The following THRB variants were observed in gnomAD, a reference collection of about 807,000 sequenced individuals.
THRB encodes nuclear receptor subfamily 1 group A member 2.
Under a neutral mutation model 47.8 loss-of-function variants are expected in THRB, and 12 were observed. The ratio of observed to expected loss-of-function variants is 0.25; its 90% CI spans 0.16 to 0.41. The LOEUF (loss-of-function observed/expected upper bound fraction) is 0.41. Ranked by LOEUF, THRB falls within the 10% of genes least tolerant of loss-of-function variation. The probability of loss-of-function intolerance (pLI) is 1.00; values close to 1 mark genes in which losing one functional copy is unlikely to be tolerated. For synonymous variants in THRB, 218 were observed against 212.2 expected, an observed-to-expected ratio of 1.03 and a Z score of -0.24; for missense variants, 348 against 589.2, an observed-to-expected ratio of 0.59 and a Z score of 4.24.
At chr3:24,271,145 C>G (rs1167512315) in intron 3 of THRB, among the ~76,000 whole-genome samples, 1 of 152,040 alleles carries the variant, frequency 6.6e-6, no homozygotes, top group Non-Finnish European at 1.5e-5. Flanking sequence ...TTCTATATAC[C>G]AAGAGGATAT....
chr3:24,440,378 C>T (rs1367418800), intron 1 of THRB, among the ~76,000 whole-genome samples: 1 of 152,008 alleles, frequency 6.6e-6, no homozygotes, highest in Non-Finnish European at 1.5e-5. Context: ...TCCTCATAGC[C>T]CACCATTAGA....
At chr3:24,255,850 A>T (rs776711244) in intron 3 of THRB, among the ~76,000 whole-genome samples, 25 of 152,176 alleles carry the variant, frequency 1.6e-4, no homozygotes, top group Non-Finnish European at 3.2e-4. Context: ...GTCTTAAGTG[A>T]AGGAAGTAGC....
At chr3:24,243,725 G>T (rs1272321993) in intron 3 of THRB, among the ~76,000 whole-genome samples, 1 of 152,068 alleles carries the variant, frequency 6.6e-6, no homozygotes, top group Non-Finnish European at 1.5e-5. Context: ...TGCTGCTGTT[G>T]TTGACTGTTT....
intron 1 of THRB, among the ~76,000 whole-genome samples, chr3:24,353,161 T>C (rs550566552): frequency 6.6e-6 from 1 of 151,418 alleles, no homozygotes; most frequent in African/African-American, 2.4e-5. Flanking sequence ...AAAACCAACT[T>C]ACAAAAAAAA....
At chr3:24,472,008 G>C (rs948150691) in intron 1 of THRB, among the ~76,000 whole-genome samples, 2 of 152,278 alleles carry the variant, frequency 1.3e-5, no homozygotes, top group Non-Finnish European at 2.9e-5. Context: ...GCATACCTCT[G>C]CTAAGAAGAG....
chr3:24,358,717 C>T (rs1184073656), intron 1 of THRB, among the ~76,000 whole-genome samples: 1 of 152,130 alleles, frequency 6.6e-6, no homozygotes, highest in Non-Finnish European at 1.5e-5. Context: ...GGGCTCTCCT[C>T]TTTGTCTCCT....
rs578046064 is a variant in THRB, at chr3:24,299,051, T to A, written c.-188-1680A>T. ...TCACGAGGTCAGGAGATCGAGACCA[T>A]CCTGGCTAACACAGTGAAACCCCGT... On this transcript the variant is annotated intron_variant, in intron 2 of 10. Coordinates refer to ENST00000646209, the MANE Select transcript of THRB (RefSeq NM_001354712.2). 2.0e-5 allele frequency among the ~76,000 whole-genome samples: 3 copies of A among 151,876 alleles called. No individual in the cohort carries two copies. In the East Asian group the frequency reaches 5.8e-4, roughly 29 times the overall value.
chr3:24,122,760 T>A lies in THRB; in HGVS notation c.*124A>T. ...TTTCATCCATGTCTATGCCAAGGAC[T>A]ACTTCCCTTTTCCCTCCCAAATAAT... On this transcript the variant is annotated 3_prime_UTR_variant, in exon 11 of 11. Coordinates refer to ENST00000646209, the MANE Select transcript of THRB (RefSeq NM_001354712.2). The A allele has an allele frequency of 7.2e-7, 1 of 1,384,438 alleles. No homozygotes were observed. Among genetic ancestry groups the A allele is most frequent in the African/African-American group, 1.4e-5 (1 of 70,320 alleles). The allele number at this position is 1,384,438 out of a possible 1,614,324, so 85.8% of individuals were successfully genotyped here. A position where few individuals can be genotyped will look rare whatever the true frequency, so the allele number is the denominator to read the frequency against.
chr3:24,310,822 A>G, intron 2 of THRB, among the ~76,000 whole-genome samples: 1 of 152,278 alleles, frequency 6.6e-6, no homozygotes, highest in African/African-American at 2.4e-5. Context: ...CCCACCACAA[A>G]TAATTATCTG....
intron 1 of THRB, among the ~76,000 whole-genome samples, chr3:24,487,312 A>G (rs1697450742): frequency 6.6e-6 from 1 of 151,906 alleles, no homozygotes; most frequent in Admixed American, 6.6e-5. Context: ...TATTGTGCTG[A>G]ACTTTTGCCA....
intron 1 of THRB, among the ~76,000 whole-genome samples, chr3:24,347,552 T>C (rs1289913349): frequency 6.6e-6 from 1 of 150,752 alleles, no homozygotes; most frequent in Non-Finnish European, 1.5e-5. Flanking sequence ...TACATAAAAA[T>C]AATAAATAAT....
intron 1 of THRB, among the ~76,000 whole-genome samples, chr3:24,459,611 C>T (rs1355788182): frequency 6.6e-6 from 1 of 152,202 alleles, no homozygotes; most frequent in African/African-American, 2.4e-5. Context: ...TTCTCCACAT[C>T]CTCTCTAGCA....
intron 3 of THRB, among the ~76,000 whole-genome samples, chr3:24,268,800 A>G (rs930824435): frequency 1.3e-5 from 2 of 152,110 alleles, no homozygotes; most frequent in African/African-American, 4.8e-5. Flanking sequence ...CTTACATTTT[A>G]TGTTATATTT....
chr3:24,161,142 C>A (rs1262966313), intron 5 of THRB, among the ~76,000 whole-genome samples: 2 of 152,194 alleles, frequency 1.3e-5, no homozygotes, highest in African/African-American at 2.4e-5. Context: ...TTTCATTTAA[C>A]CTTTTGTACA....
intron 3 of THRB, among the ~76,000 whole-genome samples, chr3:24,284,216 C>T (rs1370991120): frequency 3.3e-5 from 5 of 151,302 alleles, no homozygotes; most frequent in African/African-American, 1.2e-4. Context: ...CAGCATGGTA[C>T]TGGTACCAAA....
chr3:24,157,812 T>C (rs1190076847), intron 5 of THRB, among the ~76,000 whole-genome samples: 2 of 152,220 alleles, frequency 1.3e-5, no homozygotes, highest in Non-Finnish European at 2.9e-5. Flanking sequence ...ACTACAGGCA[T>C]GAGCCACAGT....
intron 1 of THRB, among the ~76,000 whole-genome samples, chr3:24,366,295 G>C (rs1345597056): frequency 6.6e-6 from 1 of 152,056 alleles, no homozygotes. Context: ...TGCCTTCTGG[G>C]AACATGGAGA....
chr3:24,463,651 TA>T (rs1230865338), intron 1 of THRB, among the ~76,000 whole-genome samples: 1 of 152,176 alleles, frequency 6.6e-6, no homozygotes, highest in African/African-American at 2.4e-5. Flanking sequence ...AAGTTTAAAA[TA>T]AAATATGCTG....
intron 1 of THRB, among the ~76,000 whole-genome samples, chr3:24,371,988 C>A (rs11919155): frequency 0.14 from 20,927 of 151,992 alleles, 1,799 homozygotes; most frequent in African/African-American, 0.23. Flanking sequence ...TTCTCTATGC[C>A]CCCAATAACA....
Sources: allele counts gnomAD v4.1 joint callset (sites outside exome capture counted in the v4.1 genomes callset), GRCh38; gene constraint gnomAD v4.1.1; transcripts MANE v1.5; gene names NCBI Gene and HGNC (gene_info 2026-07-23, HGNC 2026-07-21).